Variants in KLHL32 observed in about 807,000 individuals in gnomAD.
KLHL32 encodes the protein kelch like family member 32, also known as kelch-like protein 32.
Under a neutral mutation model 64.8 loss-of-function variants are expected in KLHL32, and 35 were observed. The ratio of observed to expected loss-of-function variants is 0.54; its 90% CI spans 0.41 to 0.72. The LOEUF is 0.72. Ranked by LOEUF, KLHL32 falls within the 30% of genes least tolerant of loss-of-function variation. The pLI is 0.00. For missense variants in KLHL32, 589 were observed against 768.5 expected (o/e 0.77, Z 2.76); for synonymous variants, 259 against 281.0 (o/e 0.92, Z 0.78).
chr6:96,992,475 A>G (rs969100400), intron 3 of KLHL32, among the ~76,000 whole-genome samples: 1 of 152,238 alleles, frequency 6.6e-6, no homozygotes, highest in African/African-American at 2.4e-5. Flanking sequence ...TCTCTCTGAG[A>G]GCAATGCGCA....
intron 3 of KLHL32, among the ~76,000 whole-genome samples, chr6:96,985,701 G>C (rs564600896): frequency 1.3e-5 from 2 of 151,966 alleles, no homozygotes; most frequent in African/African-American, 4.8e-5. Flanking sequence ...CGTAGTTCTC[G>C]TGCCTTGGTT....
At chr6:96,985,438 G>T (rs1308316969) in intron 3 of KLHL32, among the ~76,000 whole-genome samples, 1 of 152,214 alleles carries the variant, frequency 6.6e-6, no homozygotes, top group Non-Finnish European at 1.5e-5. Context: ...GGTTGGGGAA[G>T]TTCTCCTAGA....
intron 6 of KLHL32, among the ~76,000 whole-genome samples, chr6:97,095,730 C>T (rs1033804626): frequency 2.0e-5 from 3 of 152,082 alleles, no homozygotes; most frequent in African/African-American, 4.8e-5. Flanking sequence ...GGAAGGTGCC[C>T]GGGAGCACAC....
At chr6:96,921,723 T>C (rs547147144), upstream of KLHL32, among the ~76,000 whole-genome samples, 2 of 152,316 alleles carry the variant, frequency 1.3e-5, no homozygotes, top group East Asian at 3.9e-4. Flanking sequence ...CTCTCTTTCA[T>C]GATGTAGTTT....
intron 3 of KLHL32, among the ~76,000 whole-genome samples, chr6:96,988,796 C>A (rs968981867): frequency 6.6e-6 from 1 of 152,108 alleles, no homozygotes; most frequent in Non-Finnish European, 1.5e-5. Flanking sequence ...GAGTTCATGT[C>A]CTTTGTAGGG....
At chr6:97,067,676 C>T (rs1019181285) in intron 5 of KLHL32, among the ~76,000 whole-genome samples, 1 of 152,128 alleles carries the variant, frequency 6.6e-6, no homozygotes, top group African/African-American at 2.4e-5. Flanking sequence ...GTGTTGTTTT[C>T]TTTTTACAGA....
intron 6 of KLHL32, among the ~76,000 whole-genome samples, chr6:97,102,729 T>C (rs559000006): frequency 6.6e-6 from 1 of 152,308 alleles, no homozygotes; most frequent in Admixed American, 6.5e-5. Flanking sequence ...GTTTCATTTT[T>C]CCTATGGCAT....
chr6:97,021,376 G>T lies in KLHL32; in HGVS notation c.205-20116G>T, dbSNP rs575312695. On this transcript the variant is annotated intron_variant, in intron 3 of 10. Coordinates refer to ENST00000369261, the MANE Select transcript of KLHL32 (RefSeq NM_052904.4). ...CAGGAGAGCCGATGATGTAGTTTCT[G>T]TTGGAAAGCTGGCAGGCGTGAGACC... Among the ~76,000 whole-genome samples, 155 of 150,914 alleles carry T rather than the reference G, an allele frequency of 1.0e-3. 16 individuals carry two copies. The highest frequency in any genetic ancestry group is 3.7e-3 in the African/African-American group (148 of 40,228).
At chr6:97,068,496 G>A (rs1337983282) in intron 5 of KLHL32, among the ~76,000 whole-genome samples, 1 of 152,182 alleles carries the variant, frequency 6.6e-6, no homozygotes, top group African/African-American at 2.4e-5. Context: ...TATTTATTTT[G>A]CTACATATTA....
intron 1 of KLHL32, among the ~76,000 whole-genome samples, chr6:96,965,973 C>T (rs1438123735): frequency 1.3e-5 from 2 of 152,168 alleles, no homozygotes. Context: ...CTATGATATA[C>T]TATATGAAGT....
chr6:96,947,688 G>A (rs541964685), intron 1 of KLHL32, among the ~76,000 whole-genome samples: 17 of 152,130 alleles, frequency 1.1e-4, no homozygotes, highest in Admixed American at 2.6e-4. Context: ...ACACTTTCAC[G>A]GATTTTATGC....
chr6:96,987,083 A>G (rs1463219134), intron 3 of KLHL32, among the ~76,000 whole-genome samples: 2 of 151,664 alleles, frequency 1.3e-5, no homozygotes, highest in Admixed American at 1.3e-4. Context: ...TATTGCATCT[A>G]TTTCATTCTT....
intron 7 of KLHL32, among the ~76,000 whole-genome samples, chr6:97,122,070 G>A (rs1279046470): frequency 6.6e-6 from 1 of 152,116 alleles, no homozygotes; most frequent in African/African-American, 2.4e-5. Flanking sequence ...AAGGGCAGGT[G>A]AATCTAATTG....
At chr6:97,098,261 A>G (rs1348625741) in intron 6 of KLHL32, among the ~76,000 whole-genome samples, 4 of 152,198 alleles carry the variant, frequency 2.6e-5, no homozygotes, top group South Asian at 2.1e-4. Flanking sequence ...AAGAAAAAAT[A>G]AAGGAAAACC....
intron 7 of KLHL32, among the ~76,000 whole-genome samples, chr6:97,127,024 G>A (rs1160005332): frequency 6.6e-6 from 1 of 152,138 alleles, no homozygotes; most frequent in Non-Finnish European, 1.5e-5. Flanking sequence ...TGACAATTTA[G>A]TGAAGGACAA....
rs773136534 is a variant in KLHL32 at position 97,109,898 on chromosome 6, A to G, written c.628-3885A>G. ...AGAATTACTTGACTAAATTAGGAAC[A>G]ATAGCAAATATTACGTTTCAGAAAT... On this transcript the variant is annotated intron_variant, in intron 6 of 10. Transcript: ENST00000369261. Among the ~76,000 whole-genome samples the G allele has an allele frequency of 2.6e-5, 4 of 152,378 alleles. 1 individual carries two copies. The highest frequency in any genetic ancestry group is 6.8e-3 in the Middle Eastern group (2 of 294).
rs112618827 is a variant in KLHL32, at chr6:96,971,702, G to C, written c.24-4295G>C. Among the ~76,000 whole-genome samples, 312 of 152,168 alleles carry C rather than the reference G, an allele frequency of 2.1e-3. 2 individuals are homozygous for C. The highest frequency in any genetic ancestry group is 7.3e-3 in the African/African-American group (304 of 41,470). On this transcript the variant is annotated intron_variant, in intron 2 of 10. Transcript: ENST00000369261. ...AGCAGTTCGCACAGGCAGCCTGACG[G>C]GGGTTGCCTAAAGCCGTTACAGTGT...
At chr6:97,062,135 T>C (rs1789008951) in intron 4 of KLHL32, among the ~76,000 whole-genome samples, 1 of 152,258 alleles carries the variant, frequency 6.6e-6, no homozygotes, top group African/African-American at 2.4e-5. Flanking sequence ...TGCAGGCTTC[T>C]GGAAGTCAGC....
chr6:97,053,868 G>A (rs1011985550), intron 4 of KLHL32, among the ~76,000 whole-genome samples: 3 of 151,740 alleles, frequency 2.0e-5, no homozygotes, highest in Admixed American at 6.6e-5. Context: ...TGTAGTCTGT[G>A]CATATACTAC....
Sources: gnomAD v4.1 joint callset for allele counts (sites outside exome capture counted in the v4.1 genomes callset) on GRCh38, gnomAD v4.1.1 for gene constraint, MANE v1.5 for transcripts, NCBI Gene and HGNC (gene_info 2026-07-23, HGNC 2026-07-21) for gene names.